Variants in ARHGEF4 observed in about 807,000 individuals in gnomAD.
ARHGEF4 encodes APC-stimulated guanine nucleotide exchange factor 1.
In ARHGEF4, 119 loss-of-function variants were observed where a neutral mutation model predicts 162.0. That is an observed-to-expected ratio of 0.73 (90% CI 0.63 to 0.86). The LOEUF (loss-of-function observed/expected upper bound fraction) is 0.86. Ranked by LOEUF, ARHGEF4 falls within the 40% of genes least tolerant of loss-of-function variation. ARHGEF4 has a pLI of 0.00. For missense variants in ARHGEF4, 2,488 were observed against 2,456.0 expected (o/e 1.01, Z -0.28); for synonymous variants, 1,014 against 979.9 (o/e 1.03, Z -0.65).
At chr2:130,887,086 G>GTTTTTC (rs1679569255) in intron 1 of ARHGEF4, among the ~76,000 whole-genome samples, 1 of 151,794 alleles carries the variant, frequency 6.6e-6, no homozygotes, top group East Asian at 1.9e-4. Flanking sequence ...TCCCAATGTT[G>GTTTTTC]TTTTTCTTTT....
At chr2:131,026,417 T>G (rs998313218) in intron 4 of ARHGEF4, among the ~76,000 whole-genome samples, 12 of 152,234 alleles carry the variant, frequency 7.9e-5, no homozygotes, top group African/African-American at 2.4e-4. Context: ...AAAGGCACCT[T>G]AAAAATAGTA....
intron 3 of ARHGEF4, among the ~76,000 whole-genome samples, chr2:130,944,477 C>A (rs1020016945): frequency 6.6e-6 from 1 of 152,082 alleles, no homozygotes; most frequent in Non-Finnish European, 1.5e-5. Context: ...TCTCTCTGTT[C>A]TTCAATTGGA....
rs531084933 is a variant in ARHGEF4, at chr2:130,839,227, G to A, written c.39+2235G>A. Among the ~76,000 whole-genome samples, 5 of 152,258 alleles carry A rather than the reference G, an allele frequency of 3.3e-5. No individual in the cohort carries two copies. In the South Asian group the frequency reaches 8.3e-4, roughly 25 times the overall value. ...AGACACTGGTCGTAAGGAATACCCC[G>A]TGAGGACACAGGTTGTGGGGTGGGC... On this transcript the variant is annotated intron_variant, in intron 1 of 13. Transcript: ENST00000409359.
intron 2 of ARHGEF4, among the ~76,000 whole-genome samples, chr2:130,929,596 C>A (rs1682500390): frequency 6.6e-6 from 1 of 152,122 alleles, no homozygotes; most frequent in African/African-American, 2.4e-5. Context: ...ATAAGAACTT[C>A]ATTTTCCATG....
chr2:130,864,740 C>CA (rs1682146993), intron 1 of ARHGEF4, among the ~76,000 whole-genome samples: 3 of 152,068 alleles, frequency 2.0e-5, no homozygotes, highest in Admixed American at 2.0e-4. Flanking sequence ...AAAACAAAAA[C>CA]AAAAAATACA....
chr2:131,002,025 C>T (rs930330888), intron 4 of ARHGEF4, among the ~76,000 whole-genome samples: 7 of 152,092 alleles, frequency 4.6e-5, no homozygotes, highest in African/African-American at 1.7e-4. Flanking sequence ...CGTCGGAATA[C>T]TTTCTTTTCT....
At position 131,002,709 on chromosome 2, in the gene ARHGEF4, CAAAAAAAAAAAAAAA is replaced by C. The variant is rs66979991; in HGVS notation, c.3986-25218_3986-25204del. On this transcript the variant is annotated intron_variant, in intron 4 of 13. Transcript: ENST00000409359. ...TGGGCGACAGAGCGAGACTCCGTCTCAAAAAAAAAAAAAAAAAAAAAAAAAAAAAAAAGGGTTGTG... is the reference window on the plus strand; with the variant it reads ...TGGGCGACAGAGCGAGACTCCGTCTCAAAAAAAAAAAAAAAAAGGGTTGTG... 3.3e-3 allele frequency among the ~76,000 whole-genome samples: 174 copies of C among 53,258 alleles called. 3 individuals carry two copies. The highest frequency in any genetic ancestry group is 5.1e-3 in the Admixed American group (15 of 2,964). The allele number at this position is 53,258 out of a possible 152,430, so 34.9% of individuals were successfully genotyped here. A position where few individuals can be genotyped will look rare whatever the true frequency, so the allele number is the denominator to read the frequency against.
At chr2:130,950,896 A>G (rs1206999375) in intron 4 of ARHGEF4, among the ~76,000 whole-genome samples, 1 of 152,160 alleles carries the variant, frequency 6.6e-6, no homozygotes, top group Non-Finnish European at 1.5e-5. Flanking sequence ...CATTGTATGG[A>G]TACACCACAG....
At chr2:131,008,289 G>A in intron 4 of ARHGEF4, among the ~76,000 whole-genome samples, 1 of 152,058 alleles carries the variant, frequency 6.6e-6, no homozygotes. Context: ...CTGAGTACTT[G>A]TTTTCTTAGG....
In ARHGEF4 at chr2:131,043,561, A is replaced by G; in HGVS notation, c.5135A>G (p.His1712Arg). The G allele has an allele frequency of 6.2e-7, 1 of 1,614,064 alleles. No individual in the cohort carries two copies. Among genetic ancestry groups the G allele is most frequent in the Non-Finnish European group, 8.5e-7 (1 of 1,180,004 alleles). Residue 1712 changes from histidine (H) to arginine (R), a missense_variant, in exon 11 of 14, where the codon CAC becomes CGC. Coordinates refer to ENST00000409359, the MANE Select transcript of ARHGEF4 (RefSeq NM_001367493.1). Reference sequence around the variant, plus strand: ...CAGCGAATGTTCTTTCTCTTTGACCACCAGCTCATCTACTGTAAGAAGGTA... The same window carrying G: ...CAGCGAATGTTCTTTCTCTTTGACCGCCAGCTCATCTACTGTAAGAAGGTA... ...SQQRMFFLFD[H>R]QLIYCKKDLL...
chr2:130,994,857 C>T (rs1419282026), intron 4 of ARHGEF4, among the ~76,000 whole-genome samples: 2 of 152,154 alleles, frequency 1.3e-5, no homozygotes, highest in African/African-American at 4.8e-5. Context: ...TTTATAGATG[C>T]CATTACATTG....
intron 4 of ARHGEF4, among the ~76,000 whole-genome samples, chr2:130,981,525 G>A (rs932629373): frequency 2.6e-5 from 4 of 152,004 alleles, no homozygotes; most frequent in Admixed American, 2.6e-4. Flanking sequence ...CAGGTGTGGT[G>A]GCAGGCGCCT....
intron 5 of ARHGEF4, among the ~76,000 whole-genome samples, chr2:131,029,917 G>C (rs1308302145): frequency 6.6e-6 from 1 of 152,226 alleles, no homozygotes; most frequent in Non-Finnish European, 1.5e-5. Context: ...CCAGCAGGGG[G>C]ACCCCGAGGG....
intron 5 of ARHGEF4, among the ~76,000 whole-genome samples, chr2:131,033,965 C>G (rs1558879616): frequency 6.6e-6 from 1 of 152,190 alleles, no homozygotes; most frequent in African/African-American, 2.4e-5. Flanking sequence ...TATGCCCATG[C>G]ACACACAGGT....
intron 1 of ARHGEF4, among the ~76,000 whole-genome samples, chr2:130,853,191 T>A (rs1445403932): frequency 2.6e-5 from 4 of 152,148 alleles, no homozygotes; most frequent in Non-Finnish European, 5.9e-5. Flanking sequence ...TGCCAGAGGA[T>A]CTGCATGATG....
intron 3 of ARHGEF4, among the ~76,000 whole-genome samples, chr2:130,942,880 A>T (rs1054321939): frequency 2.0e-5 from 3 of 152,172 alleles, no homozygotes; most frequent in Admixed American, 2.0e-4. Flanking sequence ...TCTCTTGGTG[A>T]ATGTTCCATG....
chr2:130,922,300 G>A (rs1681920767), intron 2 of ARHGEF4, among the ~76,000 whole-genome samples: 1 of 151,924 alleles, frequency 6.6e-6, no homozygotes, highest in Non-Finnish European at 1.5e-5. Flanking sequence ...GAACCCAGGA[G>A]GTGGAGGTTG....
intron 6 of ARHGEF4, chr2:131,039,387 C>T: frequency 7.5e-6 from 8 of 1,070,858 alleles, no homozygotes; most frequent in Non-Finnish European, 9.0e-6. Flanking sequence ...GGAGTGGGAA[C>T]CATGACTTAC....
At chr2:130,887,343 A>T (rs1256747384) in intron 1 of ARHGEF4, among the ~76,000 whole-genome samples, 2 of 151,932 alleles carry the variant, frequency 1.3e-5, no homozygotes, top group Non-Finnish European at 1.5e-5. Flanking sequence ...AAAAAAAAAC[A>T]AAAAGGCTGC....
Sources: gnomAD v4.1 joint callset for allele counts (sites outside exome capture counted in the v4.1 genomes callset) on GRCh38, gnomAD v4.1.1 for gene constraint, MANE v1.5 for transcripts, NCBI Gene and HGNC (gene_info 2026-07-23, HGNC 2026-07-21) for gene names.